Variants in DMD observed in about 807,000 individuals in gnomAD.
DMD encodes the protein dystrophin.
A neutral mutation model predicts 330.1 loss-of-function variants in DMD; 63 were observed. The observed-to-expected ratio is 0.19, with a 90% confidence interval of 0.16 to 0.24. The LOEUF (loss-of-function observed/expected upper bound fraction) is 0.24. Among genes scored for constraint, DMD ranks in the 10% least tolerant of loss-of-function variants. The pLI is 1.00. For missense variants in DMD, 3,344 were observed against 2,684.1 expected (o/e 1.25, Z -5.43); for synonymous variants, 1,223 against 959.8 (o/e 1.27, Z -5.07).
intron 55 of DMD, among the ~76,000 whole-genome samples, chrX:31,527,357 A>C (rs1055090954): frequency 8.9e-6 from 1 of 111,842 alleles, no homozygotes; most frequent in Admixed American, 9.5e-5. Context: ...TATTTGCCAG[A>C]CTTCCATGCA....
chrX:32,691,474 T>C (rs1322183540), intron 9 of DMD, among the ~76,000 whole-genome samples: 1 of 111,791 alleles, frequency 8.9e-6, no homozygotes, highest in African/African-American at 3.2e-5. Context: ...GAATGAGCTA[T>C]CACATTTATA....
chrX:33,002,001 C>T (rs2093291247), intron 2 of DMD, among the ~76,000 whole-genome samples: 2 of 111,266 alleles, frequency 1.8e-5, no homozygotes, highest in African/African-American at 6.5e-5. Flanking sequence ...AACAACAGTC[C>T]TCTTGTTGTA....
At chrX:31,202,955 G>A (rs1057428827) in intron 67 of DMD, among the ~76,000 whole-genome samples, 7 of 112,066 alleles carry the variant, frequency 6.2e-5, no homozygotes, top group African/African-American at 1.9e-4. Context: ...AAAGCTAAAC[G>A]ATAAGGATGT....
At chrX:32,690,382 A>G (rs922035621) in intron 9 of DMD, among the ~76,000 whole-genome samples, 15 of 111,643 alleles carry the variant, frequency 1.3e-4, no homozygotes, top group African/African-American at 4.9e-4. Context: ...AAGACATCCT[A>G]CATTCATGGA....
chrX:32,800,326 A>G (rs1188950901), intron 7 of DMD, among the ~76,000 whole-genome samples: 2 of 111,916 alleles, frequency 1.8e-5, no homozygotes, highest in African/African-American at 6.5e-5. Flanking sequence ...TGAGACTTCA[A>G]GAGATGGTGT....
chrX:31,907,690 T>G (rs934599370), intron 47 of DMD, among the ~76,000 whole-genome samples: 4 of 111,694 alleles, frequency 3.6e-5, no homozygotes, highest in African/African-American at 1.3e-4. Flanking sequence ...CCAAAAGCAA[T>G]GGCAACAGAA....
At chrX:32,087,356 G>A (rs887463375) in intron 44 of DMD, among the ~76,000 whole-genome samples, 1 of 111,451 alleles carries the variant, frequency 9.0e-6, no homozygotes, top group African/African-American at 3.3e-5. Flanking sequence ...CTACATAAAC[G>A]TAGCAGAAAT....
chrX:32,242,628 T>A (rs770880313), intron 43 of DMD, among the ~76,000 whole-genome samples: 2 of 111,472 alleles, frequency 1.8e-5, no homozygotes, highest in South Asian at 7.5e-4. Context: ...TTTGCTACTT[T>A]TCCAAATAAG....
chrX:32,558,151 C>A (rs2050538384), intron 16 of DMD, among the ~76,000 whole-genome samples: 1 of 110,783 alleles, frequency 9.0e-6, no homozygotes, highest in African/African-American at 3.3e-5. Context: ...GTATTTTGTT[C>A]CTCATTTTAA....
intron 52 of DMD, among the ~76,000 whole-genome samples, chrX:31,727,762 T>C (rs1470828739): frequency 8.9e-6 from 1 of 112,398 alleles, no homozygotes; most frequent in African/African-American, 3.2e-5. Flanking sequence ...TCCACATTCA[T>C]TGTTTAAGCA....
At chrX:32,237,767 C>T (rs902951885) in intron 43 of DMD, among the ~76,000 whole-genome samples, 29 of 111,617 alleles carry the variant, frequency 2.6e-4, no homozygotes, top group African/African-American at 9.4e-4. Context: ...CTTATTGTTA[C>T]GGTAGAATGA....
intron 51 of DMD, among the ~76,000 whole-genome samples, chrX:31,734,692 C>A (rs1349964399): frequency 1.8e-5 from 2 of 110,749 alleles, no homozygotes; most frequent in Non-Finnish European, 3.8e-5. Context: ...GAAAATAATT[C>A]CTGTTCTCAA....
At chrX:32,805,008 A>T (rs1159782844) in intron 7 of DMD, among the ~76,000 whole-genome samples, 9 of 112,187 alleles carry the variant, frequency 8.0e-5, no homozygotes, top group Admixed American at 7.6e-4. Context: ...AGATGAGGAA[A>T]AACCAGCACA....
In DMD at chrX:32,573,834, G is replaced by C; in HGVS notation, c.1615C>G (p.Arg539Gly). 1 of 1,206,921 alleles carries C rather than the reference G, an allele frequency of 8.3e-7. No individual in the cohort carries two copies. The highest frequency in any genetic ancestry group is 1.1e-6 in the Non-Finnish European group (1 of 891,524). ...GTCCATCTACAGATGTTTGCCCATCGATCTCCCAATACCTGGAGAAGAGAC... is the reference window on the plus strand; with the variant it reads ...GTCCATCTACAGATGTTTGCCCATCCATCTCCCAATACCTGGAGAAGAGAC... ...LEEQLKVLGD[R>G]WANICRWTED... Residue 539 changes from arginine (R) to glycine (G), a missense_variant, in exon 14 of 79, where the codon CGA (arginine) becomes GGA (glycine). Physicochemically the swap from Arg to Gly is moderately radical, Grantham distance 125 (BLOSUM62 -2). Coordinates refer to ENST00000357033, the MANE Select transcript of DMD (RefSeq NM_004006.3).
chrX:32,842,213 C>T (rs1489807852), intron 4 of DMD, among the ~76,000 whole-genome samples: 6 of 112,003 alleles, frequency 5.4e-5, no homozygotes, highest in Non-Finnish European at 9.4e-5. Flanking sequence ...ATCAGCGAAA[C>T]GGACAATGAA....
intron 74 of DMD, among the ~76,000 whole-genome samples, chrX:31,167,574 C>T (rs2039551598): frequency 1.8e-5 from 2 of 111,420 alleles, no homozygotes; most frequent in Admixed American, 9.5e-5. Context: ...CTTTTTATTC[C>T]GATTTGACTT....
intron 12 of DMD, among the ~76,000 whole-genome samples, chrX:32,609,942 T>C (rs1310429746): frequency 1.8e-5 from 2 of 111,179 alleles, no homozygotes; most frequent in Non-Finnish European, 3.8e-5. Context: ...GCAGTCTCAC[T>C]GTGCCAGGAG....
intron 32 of DMD, among the ~76,000 whole-genome samples, chrX:32,389,243 A>G (rs1281682539): frequency 9.0e-6 from 1 of 111,251 alleles, no homozygotes; most frequent in Non-Finnish European, 1.9e-5. Flanking sequence ...TTCCATTTAA[A>G]ATATATTTAA....
intron 62 of DMD, among the ~76,000 whole-genome samples, chrX:31,268,437 T>C (rs755400512): frequency 8.9e-6 from 1 of 112,492 alleles, no homozygotes; most frequent in East Asian, 2.8e-4. Context: ...TAAGCAAATA[T>C]GGCACTTCTT....
Sources: allele counts gnomAD v4.1 joint callset (sites outside exome capture counted in the v4.1 genomes callset), GRCh38; gene constraint gnomAD v4.1.1; transcripts MANE v1.5; gene names NCBI Gene and HGNC (gene_info 2026-07-23, HGNC 2026-07-21).